The following SIPA1L1 variants were observed in gnomAD, a reference collection of about 807,000 sequenced individuals.
SIPA1L1 encodes the protein signal induced proliferation associated 1 like 1, also known as signal-induced proliferation-associated 1-like protein 1.
Under a neutral mutation model 162.7 loss-of-function variants are expected in SIPA1L1, and 26 were observed. The ratio of observed to expected loss-of-function variants is 0.16; its 90% CI spans 0.12 to 0.22. The LOEUF is 0.22. Among genes scored for constraint, SIPA1L1 ranks in the 10% least tolerant of loss-of-function variants. SIPA1L1 has a pLI of 1.00. For synonymous variants in SIPA1L1, 829 were observed against 837.4 expected (o/e 0.99, Z 0.17); for missense variants, 1,874 against 2,241.0 (o/e 0.84, Z 3.31).
chr14:71,600,298 G>A (rs760208241), intron 5 of SIPA1L1, among the ~76,000 whole-genome samples: 53 of 151,982 alleles, frequency 3.5e-4, no homozygotes, highest in Admixed American at 4.6e-4. Flanking sequence ...TGTATATAGC[G>A]AGAGACAGGA....
intron 5 of SIPA1L1, among the ~76,000 whole-genome samples, chr14:71,601,011 T>A (rs972585340): frequency 2.6e-5 from 4 of 152,088 alleles, no homozygotes; most frequent in Non-Finnish European, 5.9e-5. Context: ...CAGACTTAAG[T>A]TTTTTCTAGA....
At chr14:71,353,527 G>A (rs552311509) in intron 2 of SIPA1L1, among the ~76,000 whole-genome samples, 1 of 152,172 alleles carries the variant, frequency 6.6e-6, no homozygotes, top group Non-Finnish European at 1.5e-5. Context: ...GGTTTTAAGC[G>A]CAGCATTGAC....
chr14:71,611,418 A>G (rs1310932807), intron 5 of SIPA1L1, among the ~76,000 whole-genome samples: 2 of 148,232 alleles, frequency 1.3e-5, no homozygotes, highest in Non-Finnish European at 2.9e-5. Context: ...ATGTTATGTT[A>G]TGTTCTAGGA....
chr14:71,363,966 C>G (rs2038042770), intron 2 of SIPA1L1, among the ~76,000 whole-genome samples: 1 of 152,174 alleles, frequency 6.6e-6, no homozygotes. Context: ...GGGCCTCCTC[C>G]TTATCTACAG....
chr14:71,653,942 A>G (rs749646037), intron 8 of SIPA1L1, among the ~76,000 whole-genome samples: 4 of 152,316 alleles, frequency 2.6e-5, no homozygotes, highest in East Asian at 1.9e-4. Flanking sequence ...CAGAGAAAGC[A>G]TAAATGTAGA....
At position 71,468,044 on chromosome 14, in the gene SIPA1L1, G is replaced by GTC. The variant is rs1555430989; in HGVS notation, c.-464-44698_-464-44697insCT. Among the ~76,000 whole-genome samples the GTC allele has an allele frequency of 4.1e-4, 60 of 145,582 alleles. 1 individual carries two copies. The Middle Eastern group carries it at 0.011, about 26-fold the overall frequency. The stretch of plus-strand genomic sequence containing the variant: ...TGTGTGTGTGTGTGTGTGTGTGTGT[G>GTC]TGTCTGTCTGTGTCTGTCTGTCTGT... On this transcript the variant is annotated intron_variant, in intron 2 of 23. Coordinates refer to ENST00000381232, the MANE Select transcript of SIPA1L1 (RefSeq NM_001386936.1).
In SIPA1L1 at chr14:71,653,595, T is replaced by C. The variant is rs117044266; in HGVS notation, c.1993+3086T>C. On this transcript the variant is annotated intron_variant, in intron 8 of 23. Transcript: ENST00000381232. Reference sequence around the variant, plus strand: ...GTAGAAAGCCCAGGGGTCATAGGGCTCATCTTCTGTATTCTTTTTTCTCAA... The same window carrying C: ...GTAGAAAGCCCAGGGGTCATAGGGCCCATCTTCTGTATTCTTTTTTCTCAA... Among the ~76,000 whole-genome samples, 210 of 152,276 alleles carry C rather than the reference T, an allele frequency of 1.4e-3. 1 individual carries two copies. The highest frequency in any genetic ancestry group is 2.5e-3 in the Non-Finnish European group (169 of 67,996).
intron 2 of SIPA1L1, among the ~76,000 whole-genome samples, chr14:71,414,456 G>A (rs770374357): frequency 6.6e-6 from 1 of 152,176 alleles, no homozygotes; most frequent in Admixed American, 6.5e-5. Flanking sequence ...TCAAATGTCC[G>A]ATATTTTCTG....
chr14:71,371,362 A>G (rs1170653978), intron 2 of SIPA1L1, among the ~76,000 whole-genome samples: 1 of 152,126 alleles, frequency 6.6e-6, no homozygotes, highest in Non-Finnish European at 1.5e-5. Flanking sequence ...TGATGAAAGT[A>G]ACAGAAGGCA....
chr14:71,720,949 C>G (rs529148444), intron 17 of SIPA1L1, among the ~76,000 whole-genome samples: 26 of 152,048 alleles, frequency 1.7e-4, no homozygotes, highest in Non-Finnish European at 2.9e-4. Flanking sequence ...GTCACTGATG[C>G]CTTATTTGGT....
chr14:71,502,898 A>G (rs932317224), intron 2 of SIPA1L1, among the ~76,000 whole-genome samples: 1 of 152,218 alleles, frequency 6.6e-6, no homozygotes, highest in African/African-American at 2.4e-5. Context: ...AGCATAGTGC[A>G]TTCCTTATAT....
intron 7 of SIPA1L1, among the ~76,000 whole-genome samples, chr14:71,640,263 A>G (rs1436149345): frequency 6.6e-6 from 1 of 152,228 alleles, no homozygotes; most frequent in Non-Finnish European, 1.5e-5. Flanking sequence ...ATTGAAATCT[A>G]CAAGTATTAA....
chr14:71,440,557 G>A (rs2044755984), intron 2 of SIPA1L1, among the ~76,000 whole-genome samples: 1 of 148,846 alleles, frequency 6.7e-6, no homozygotes, highest in Admixed American at 6.7e-5. Context: ...GCTGAGCGGG[G>A]AGGATAGCTT....
chr14:71,489,481 A>G (rs1487732902), intron 2 of SIPA1L1, among the ~76,000 whole-genome samples: 1 of 152,172 alleles, frequency 6.6e-6, no homozygotes, highest in African/African-American at 2.4e-5. Flanking sequence ...GAAAGGTTAG[A>G]GAACATGGAA....
At chr14:71,540,548 A>G (rs948857463) in intron 4 of SIPA1L1, among the ~76,000 whole-genome samples, 2 of 152,114 alleles carry the variant, frequency 1.3e-5, no homozygotes, top group African/African-American at 2.4e-5. Context: ...TTTTAAAACT[A>G]AATAAAAAGT....
At chr14:71,590,193 A>G (rs2035204250) in intron 5 of SIPA1L1, among the ~76,000 whole-genome samples, 1 of 151,766 alleles carries the variant, frequency 6.6e-6, no homozygotes. Flanking sequence ...AGTAAGTAGT[A>G]TAAGTGAACC....
intron 3 of SIPA1L1, among the ~76,000 whole-genome samples, chr14:71,516,387 T>C (rs186231456): frequency 1.1e-4 from 17 of 152,284 alleles, no homozygotes; most frequent in Admixed American, 8.5e-4. Flanking sequence ...GCAGGATTTT[T>C]TATTAACCTT....
intron 5 of SIPA1L1, among the ~76,000 whole-genome samples, chr14:71,597,261 C>T (rs1180052130): frequency 6.6e-5 from 10 of 152,134 alleles, no homozygotes; most frequent in Non-Finnish European, 1.0e-4. Context: ...AGATTATGTA[C>T]GTGAGCCACT....
intron 2 of SIPA1L1, among the ~76,000 whole-genome samples, chr14:71,460,568 C>T (rs377058777): frequency 3.3e-4 from 51 of 152,242 alleles, no homozygotes; most frequent in Admixed American, 1.1e-3. Context: ...CCAAAGTGTC[C>T]AGGTGGCAAT....
Sources: gnomAD v4.1 joint callset for allele counts (sites outside exome capture counted in the v4.1 genomes callset) on GRCh38, gnomAD v4.1.1 for gene constraint, MANE v1.5 for transcripts, NCBI Gene and HGNC (gene_info 2026-07-23, HGNC 2026-07-21) for gene names.